Variants in PAICS observed in about 807,000 individuals in gnomAD.
PAICS encodes phosphoribosylaminoimidazole carboxylase and phosphoribosylaminoimidazolesuccinocarboxamide synthase, also known as bifunctional phosphoribosylaminoimidazole carboxylase/phosphoribosylaminoimidazole succinocarboxamide synthetase.
Under a neutral mutation model 53.7 loss-of-function variants are expected in PAICS, and 33 were observed. That is an observed-to-expected ratio of 0.61 (90% confidence interval 0.47 to 0.82). The LOEUF is 0.82. Ranked by LOEUF, PAICS falls within the 40% of genes least tolerant of loss-of-function variation. The pLI is 0.00. For missense variants in PAICS, 394 were observed against 494.1 expected, an observed-to-expected ratio of 0.80 and a Z score of 1.92; for synonymous variants, 141 against 167.2, an observed-to-expected ratio of 0.84 and a Z score of 1.21.
At chr4:56,413,375 G>A in the PAICS span, among the ~76,000 whole-genome samples, 5 of 152,016 alleles carry the variant, frequency 3.3e-5, no homozygotes, top group East Asian at 1.9e-4. Flanking sequence ...GGCTGGTCTC[G>A]AAGTCCTGTC....
rs1259477549 is a variant in PAICS, at chr4:56,464,445, T to C, written c.*4907T>C. The C allele has an allele frequency of 6.6e-6, 1 of 152,230 alleles. No individual in the cohort carries two copies. Among genetic ancestry groups the C allele is most frequent in the Non-Finnish European group, 1.5e-5 (1 of 68,052 alleles). 9.4% of individuals were successfully genotyped at this position (152,230 alleles called of 1,614,324 possible). On this transcript the variant is annotated 3_prime_UTR_variant, in exon 9 of 9. Transcript: ENST00000512576. The stretch of plus-strand genomic sequence containing the variant: ...ATTGTATACTGTGAATGAAAAAGAC[T>C]AATTCTCCACAGTCTATACTCAATC...
At chr4:56,433,626 C>T (rs1437169732), upstream of PAICS, among the ~76,000 whole-genome samples, 1 of 151,810 alleles carries the variant, frequency 6.6e-6, no homozygotes, top group Admixed American at 6.6e-5. Context: ...ATATTTTCTA[C>T]AGACCACCAG....
At chr4:56,413,149 TGGTTTTTG>T in the PAICS span, among the ~76,000 whole-genome samples, 1 of 150,264 alleles carries the variant, frequency 6.7e-6, no homozygotes, top group Non-Finnish European at 1.5e-5. Flanking sequence ...GTCTTGTTTT[TGGTTTTTG>T]GTTTTGTTTT....
In PAICS at chr4:56,460,494, C is replaced by T. The variant is rs1719452995; in HGVS notation, c.*956C>T. On this transcript the variant is annotated 3_prime_UTR_variant, in exon 9 of 9. Coordinates refer to ENST00000512576, the MANE Select transcript of PAICS (RefSeq NM_001079524.2). ...ATCTAGACAGCCCCCATTCTCAATC[C>T]ACCCTTTTCCAAGTTGATTGCCCAA... 6.6e-6 allele frequency: 1 copy of T among 152,172 alleles called. No individual in the cohort carries two copies. Among genetic ancestry groups the T allele is most frequent in the Admixed American group, 6.5e-5 (1 of 15,268 alleles). The allele number at this position is 152,172 out of a possible 1,614,324, so 9.4% of individuals were successfully genotyped here.
At position 56,437,256 on chromosome 4, in the gene PAICS, GGTGTGTGTGTGTGT is replaced by G. The variant is rs57161391; in HGVS notation, c.16+957_16+970del. Among the ~76,000 whole-genome samples the G allele has an allele frequency of 2.1e-3, 262 of 124,396 alleles. 1 individual carries two copies. In the South Asian group the frequency reaches 0.025, roughly 12 times the overall value. The allele number at this position is 124,396 out of a possible 152,430, so 81.6% of individuals were successfully genotyped here. A position where few individuals can be genotyped will look rare whatever the true frequency, so the allele number is the denominator to read the frequency against. On this transcript the variant is annotated intron_variant, in intron 1 of 8. Transcript: ENST00000512576. ...TTTAGGTAGTCTTTGATGCCATGAT[GGTGTGTGTGTGTGT>G]GTGTGTGTGTGTGTGTGTGTGTGTG...
upstream of PAICS, chr4:56,435,248 C>A: frequency 6.5e-7 from 1 of 1,534,948 alleles, no homozygotes; most frequent in Non-Finnish European, 8.8e-7. Context: ...TCGGAGAGGT[C>A]GGTCCTCCCG....
At chr4:56,422,712 A>G in the PAICS span, 7 of 152,136 alleles carry the variant, frequency 4.6e-5, no homozygotes, top group Admixed American at 3.3e-4. Flanking sequence ...TTATATCTAT[A>G]TATTAATAGA....
At chr4:56,414,452 T>C in the PAICS span, 9 of 152,238 alleles carry the variant, frequency 5.9e-5, no homozygotes, top group Non-Finnish European at 1.5e-5. Flanking sequence ...AGAATTCCTT[T>C]GGCCTATGGC....
At chr4:56,436,423 C>A in intron 1 of PAICS, 95 bp downstream of exon 1, 1 of 1,046,116 alleles carries the variant, frequency 9.6e-7, no homozygotes, top group Non-Finnish European at 1.5e-6. Flanking sequence ...GTCCCGCCTC[C>A]CTGCAGCAGC....
At chr4:56,450,332 TAACAG>T (rs2110091721) in intron 5 of PAICS, among the ~76,000 whole-genome samples, 1 of 152,108 alleles carries the variant, frequency 6.6e-6, no homozygotes, top group East Asian at 1.9e-4. Flanking sequence ...AAATAAAAAA[TAACAG>T]AAAACAAAAT....
At chr4:56,442,013 T>G in intron 2 of PAICS, 153 bp downstream of exon 2, 1 of 562,882 alleles carries the variant, frequency 1.8e-6, no homozygotes, top group Non-Finnish European at 3.2e-6. Context: ...TAAACTTCAC[T>G]ATAACACCTT....
chr4:56,428,731 T>TAA, the PAICS span, among the ~76,000 whole-genome samples: 1 of 152,192 alleles, frequency 6.6e-6, no homozygotes, highest in African/African-American at 2.4e-5. Flanking sequence ...AAATGACCCT[T>TAA]AAAAATCATT....
upstream of PAICS, among the ~76,000 whole-genome samples, chr4:56,431,837 T>C (rs946484481): frequency 2.0e-5 from 3 of 152,248 alleles, no homozygotes; most frequent in Non-Finnish European, 2.9e-5. Flanking sequence ...CTCCGCAAAC[T>C]ACTGAAATGA....
the PAICS span, chr4:56,411,010 T>G: frequency 1.4e-6 from 1 of 705,338 alleles, no homozygotes. Context: ...ATGATAAATA[T>G]AGACTGAAAT....
the PAICS span, among the ~76,000 whole-genome samples, chr4:56,417,368 A>C: frequency 6.6e-6 from 1 of 152,220 alleles, no homozygotes; most frequent in Non-Finnish European, 1.5e-5. Context: ...AATGCTATAA[A>C]GTTTTTTTAA....
Position 56,448,924 on chromosome 4 carries a change from A to G in PAICS, c.687+101A>G, listed in dbSNP as rs1281889502. On this transcript the variant is annotated intron_variant, in intron 5 of 8. Coordinates refer to ENST00000512576, the MANE Select transcript of PAICS (RefSeq NM_001079524.2). ...AAAGCAAATTATTGTTCCTAATGAT[A>G]TGAACCTGTTTTGTGGATTGCTGTT... 3 of 665,940 alleles carry G rather than the reference A, an allele frequency of 4.5e-6. No individual in the cohort carries two copies. In the African/African-American group the frequency reaches 5.5e-5, roughly 12 times the overall value. The allele number at this position is 665,940 out of a possible 1,614,324, so 41.3% of individuals were successfully genotyped here.
chr4:56,432,365 T>C (rs1717631260), upstream of PAICS, among the ~76,000 whole-genome samples: 1 of 151,828 alleles, frequency 6.6e-6, no homozygotes, highest in Admixed American at 6.6e-5. Flanking sequence ...CCGTCTCTGC[T>C]AAAAATACAA....
chr4:56,424,748 C>G, the PAICS span, among the ~76,000 whole-genome samples: 1 of 152,214 alleles, frequency 6.6e-6, no homozygotes, highest in South Asian at 2.1e-4. Context: ...AATCTTATCA[C>G]CTACCTGTCT....
At chr4:56,449,966 C>T (rs914236468) in intron 5 of PAICS, among the ~76,000 whole-genome samples, 1 of 147,916 alleles carries the variant, frequency 6.8e-6, no homozygotes, top group South Asian at 2.1e-4. Context: ...CAGAGCGAGA[C>T]TCTGTCTCCA....
Sources: allele counts gnomAD v4.1 joint callset (sites outside exome capture counted in the v4.1 genomes callset), GRCh38; gene constraint gnomAD v4.1.1; transcripts MANE v1.5; gene names NCBI Gene and HGNC (gene_info 2026-07-23, HGNC 2026-07-21).